Variants in CRYZ observed in about 807,000 individuals in gnomAD.
The protein encoded by CRYZ is zeta-crystallin.
Under a neutral mutation model 34.1 loss-of-function variants are expected in CRYZ, and 35 were observed. That is an observed-to-expected ratio of 1.03 (90% CI 0.78 to 1.36). CRYZ has a LOEUF of 1.36. Among genes scored for constraint, CRYZ ranks in the 40% most tolerant of loss-of-function variants. The pLI is 0.00. For missense variants in CRYZ, 403 were observed against 391.8 expected (o/e 1.03, Z -0.24); for synonymous variants, 137 against 136.5 (o/e 1.00, Z -0.03).
chr1:74,722,726 C>T (rs1159463057), intron 3 of CRYZ, among the ~76,000 whole-genome samples: 1 of 151,886 alleles, frequency 6.6e-6, no homozygotes, highest in Non-Finnish European at 1.5e-5. Flanking sequence ...AAAGAATTAA[C>T]TTTCTCTTTA....
At position 74,723,191 on chromosome 1, in the gene CRYZ, A is replaced by G; in HGVS notation, c.191T>C (p.Leu64Pro). 1.2e-6 allele frequency: 2 copies of G among 1,614,042 alleles called. No individual in the cohort carries two copies. The highest frequency in any genetic ancestry group is 2.2e-5 in the South Asian group (2 of 91,070). ...IRSGTYSRKP[L>P]LPYTPGSDVA... is the part of the protein sequence containing the mutation. ...ATCTGAGCCAGGAGTATAGGGTAAG[A>G]GTGGTTTTCTACTATAAGTACCAGA... Residue 64 changes from leucine to proline, a missense_variant, in exon 3 of 9, where the codon CTC becomes CCC. Physicochemically the swap from Leu to Pro is moderately conservative, Grantham distance 98. Transcript: ENST00000340866.
intron 3 of CRYZ, among the ~76,000 whole-genome samples, chr1:74,720,735 G>T (rs1015449627): frequency 6.6e-6 from 1 of 152,104 alleles, no homozygotes; most frequent in African/African-American, 2.4e-5. Flanking sequence ...AGTTTTAACA[G>T]CTAAAAAACA....
At chr1:74,717,213 T>C (rs1569992745) in intron 4 of CRYZ, among the ~76,000 whole-genome samples, 1 of 152,182 alleles carries the variant, frequency 6.6e-6, no homozygotes, top group Non-Finnish European at 1.5e-5. Flanking sequence ...TGTAAATATG[T>C]TCAAGTCTTG....
In CRYZ at chr1:74,724,750, C is replaced by T. The variant is rs1647249004; in HGVS notation, c.72G>A (p.Leu24=). Reference sequence around the variant, plus strand: ...GAATCGGTACTGCAATATCTGATCGCAATTTCAGGACTTCTGGCCCACCAA... The same window carrying T: ...GAATCGGTACTGCAATATCTGATCGTAATTTCAGGACTTCTGGCCCACCAA... ...FEFGGPEVLK[L]RSDIAVPIPK... The change falls in exon 2 of 9, where the codon TTG becomes TTA. Residue 24 remains leucine (L), a synonymous_variant. Coordinates refer to ENST00000340866, the MANE Select transcript of CRYZ (RefSeq NM_001889.4). 2 of 1,613,376 alleles carry T rather than the reference C, an allele frequency of 1.2e-6. No individual in the cohort carries two copies. The highest frequency in any genetic ancestry group is 4.5e-5 in the East Asian group (2 of 44,828).
At chr1:74,727,065 T>A (rs1184551046) in intron 1 of CRYZ, among the ~76,000 whole-genome samples, 1 of 151,626 alleles carries the variant, frequency 6.6e-6, no homozygotes, top group Non-Finnish European at 1.5e-5. Flanking sequence ...ATTCAACAAG[T>A]CTCTAGGAAG....
intron 4 of CRYZ, among the ~76,000 whole-genome samples, chr1:74,716,304 T>C (rs888442151): frequency 3.3e-5 from 5 of 152,090 alleles, no homozygotes; most frequent in African/African-American, 1.2e-4. Context: ...AGATAGATGA[T>C]TGACTGATAG....
In CRYZ at chr1:74,706,378, T is replaced by C. The variant is rs1401293569; in HGVS notation, c.908A>G (p.Tyr303Cys). 1 of 1,612,556 alleles carries C rather than the reference T, an allele frequency of 6.2e-7. No homozygotes were observed. The highest frequency in any genetic ancestry group is 1.1e-5 in the South Asian group (1 of 90,956). ...GWLKPVIGSQ[Y>C]PLEKVAEAHE... ...AGCCTCGGCCACCTTCTCCAATGGATATTGAGAACCTATCACAGGTTTCAA... is the reference window on the plus strand; with the variant it reads ...AGCCTCGGCCACCTTCTCCAATGGACATTGAGAACCTATCACAGGTTTCAA... Residue 303 changes from tyrosine (Y) to cysteine (C), a missense_variant, in exon 9 of 9, where the codon TAT (tyrosine) becomes TGT (cysteine). Physicochemically the swap from Tyr to Cys is radical, Grantham distance 194. Coordinates refer to ENST00000340866, the MANE Select transcript of CRYZ (RefSeq NM_001889.4).
At chr1:74,706,567 C>T (rs921898512) in intron 8 of CRYZ, 110 bp from the exon 9 acceptor site, 1 of 1,029,856 alleles carries the variant, frequency 9.7e-7, no homozygotes, top group African/African-American at 1.6e-5. Flanking sequence ...GAGTCTCTTA[C>T]AAATGTGTGA....
At chr1:74,730,020 A>G (rs955498528) in intron 1 of CRYZ, among the ~76,000 whole-genome samples, 5 of 152,088 alleles carry the variant, frequency 3.3e-5, no homozygotes, top group African/African-American at 9.7e-5. Context: ...TCCATTTTCG[A>G]TATCTACCTA....
chr1:74,723,168 C>A lies in CRYZ; in HGVS notation c.214G>T (p.Asp72Tyr). The change falls in exon 3 of 9, where the codon GAT becomes TAT. Residue 72 changes from aspartate to tyrosine, a missense_variant. By Grantham distance (160) the Asp-to-Tyr change is radical. Coordinates refer to ENST00000340866, the MANE Select transcript of CRYZ (RefSeq NM_001889.4). ...ACAGCTTCTATCACCCCAGCCACAT[C>A]TGAGCCAGGAGTATAGGGTAAGAGT... ...KPLLPYTPGS[D>Y]VAGVIEAVGD... 6.2e-7 allele frequency: 1 copy of A among 1,614,030 alleles called. No homozygotes were observed.
rs766610297 is a variant in CRYZ, at chr1:74,706,382, G to A, written c.904C>T (p.Gln302Ter). The A allele has an allele frequency of 6.2e-7, 1 of 1,612,946 alleles. No homozygotes were observed. The highest frequency in any genetic ancestry group is 1.7e-5 in the Admixed American group (1 of 59,838). ...IGWLKPVIGS[Q>*]YPLEKVAEAH... ...TCGGCCACCTTCTCCAATGGATATT[G>A]AGAACCTATCACAGGTTTCAACCAG... The change falls in exon 9 of 9, where the codon CAA becomes TAA. Residue 302 changes from glutamine to a stop codon, truncating the protein, a stop_gained. Transcript: ENST00000340866. LOFTEE classifies it high-confidence loss of function.
chr1:74,712,782 T>C lies in CRYZ; in HGVS notation c.480+1797A>G, dbSNP rs114315056. On this transcript the variant is annotated intron_variant, in intron 5 of 8. Transcript: ENST00000340866. ...AAAAGCTAACGTAACTACATCTCCT[T>C]GTGTTCTAACTGCTTTAAAAGGGCA... Among the ~76,000 whole-genome samples, 1,213 of 152,300 alleles carry C rather than the reference T, an allele frequency of 8.0e-3. 8 individuals are homozygous for C. The highest frequency in any genetic ancestry group is 9.9e-3 in the Non-Finnish European group (671 of 68,036).
In CRYZ at chr1:74,718,300, C is replaced by T. The variant is rs141190681; in HGVS notation, c.428+909G>A. 3.7e-4 allele frequency among the ~76,000 whole-genome samples: 57 copies of T among 152,160 alleles called. 3 individuals are homozygous for T. The East Asian group carries it at 9.1e-3, about 24-fold the overall frequency. ...TTGTCTAGTGGAGACTCCTATAAGA[C>T]GCTCTTATCTCTTCATTCCTATCCT... On this transcript the variant is annotated intron_variant, in intron 4 of 8. Transcript: ENST00000340866.
chr1:74,732,976 A>AT lies in CRYZ; in HGVS notation c.-35_-34insA. ...CTTACCAGAATCTAGAGTGGGAATTAAAATCTGCGTGGGCTTCTTCAGATT... is the reference window on the plus strand; with the variant it reads ...CTTACCAGAATCTAGAGTGGGAATTATAAATCTGCGTGGGCTTCTTCAGATT... On this transcript the variant is annotated 5_prime_UTR_variant, in exon 1 of 9. Transcript: ENST00000340866. 2.1e-6 allele frequency: 1 copy of AT among 472,340 alleles called. No individual in the cohort carries two copies. The highest frequency in any genetic ancestry group is 3.7e-6 in the Non-Finnish European group (1 of 267,330). 29.3% of individuals were successfully genotyped at this position (472,340 alleles called of 1,614,324 possible). A position where few individuals can be genotyped will look rare whatever the true frequency, so the allele number is the denominator to read the frequency against.
At chr1:74,707,234 G>C (rs541893836) in intron 6 of CRYZ, 30 bp from the exon 7 acceptor site, 1 of 1,235,694 alleles carries the variant, frequency 8.1e-7, no homozygotes, top group South Asian at 1.3e-5. Context: ...TGTAGAGTAA[G>C]ATAGCAAGTG....
At chr1:74,721,788 A>T (rs1032115347) in intron 3 of CRYZ, among the ~76,000 whole-genome samples, 1 of 152,180 alleles carries the variant, frequency 6.6e-6, no homozygotes, top group African/African-American at 2.4e-5. Context: ...GTTTTGTAAG[A>T]GATTTCTGGA....
chr1:74,712,273 T>TA (rs1220276428), intron 5 of CRYZ, among the ~76,000 whole-genome samples: 2 of 152,146 alleles, frequency 1.3e-5, no homozygotes, highest in Non-Finnish European at 2.9e-5. Flanking sequence ...GCCAGATAAT[T>TA]ATTTGCTGTG....
At chr1:74,728,236 C>T (rs1294553141) in intron 1 of CRYZ, among the ~76,000 whole-genome samples, 1 of 152,146 alleles carries the variant, frequency 6.6e-6, no homozygotes, top group Non-Finnish European at 1.5e-5. Context: ...AAACAGTGCA[C>T]CATATGCAAT....
intron 4 of CRYZ, among the ~76,000 whole-genome samples, chr1:74,717,025 C>T (rs1569992314): frequency 1.3e-5 from 2 of 152,176 alleles, no homozygotes; most frequent in African/African-American, 4.8e-5. Context: ...AAAAGTGACG[C>T]AATCACACAC....
Sources: gnomAD v4.1 joint callset for allele counts (sites outside exome capture counted in the v4.1 genomes callset) on GRCh38, gnomAD v4.1.1 for gene constraint, MANE v1.5 for transcripts, NCBI Gene and HGNC (gene_info 2026-07-23, HGNC 2026-07-21) for gene names.